Variants in TRAK2 observed in about 807,000 individuals in gnomAD.
TRAK2 encodes the protein trafficking kinesin-binding protein 2.
TRAK2 carries 81 observed loss-of-function variants against 104.6 expected under a neutral mutation model. The ratio of observed to expected loss-of-function variants is 0.77; its 90% CI spans 0.65 to 0.93. TRAK2 has a LOEUF of 0.93. Among genes scored for constraint, TRAK2 ranks in the 40% least tolerant of loss-of-function variants. TRAK2 has a pLI of 0.00. For synonymous variants in TRAK2, 406 were observed against 394.4 expected, an observed-to-expected ratio of 1.03 and a Z score of -0.35; for missense variants, 1,002 against 1,089.0, an observed-to-expected ratio of 0.92 and a Z score of 1.12.
At chr2:201,396,172 CAGAT>C (rs1269886894) in intron 7 of TRAK2, among the ~76,000 whole-genome samples, 10 of 152,230 alleles carry the variant, frequency 6.6e-5, no homozygotes, top group Middle Eastern at 6.8e-3. Context: ...TTAAAATTGA[CAGAT>C]AGCCTCTAAT....
intron 1 of TRAK2, among the ~76,000 whole-genome samples, chr2:201,431,795 A>C (rs1429856322): frequency 6.6e-6 from 1 of 152,186 alleles, no homozygotes; most frequent in East Asian, 1.9e-4. Flanking sequence ...TAGAGTGCCT[A>C]AATTTGAACT....
intron 3 of TRAK2, 27 bp from the exon 4 acceptor site, chr2:201,401,121 T>C (rs770589891): frequency 2.6e-6 from 4 of 1,510,194 alleles, no homozygotes; most frequent in Non-Finnish European, 3.6e-6. Context: ...CAACTATTTA[T>C]AGGCTTTAGC....
intron 5 of TRAK2, 52 bp downstream of exon 5, chr2:201,399,325 A>G (rs1951528780): frequency 3.1e-6 from 4 of 1,279,460 alleles, no homozygotes; most frequent in African/African-American, 2.9e-5. Context: ...TAAATTTTCA[A>G]TTGCATAAAA....
intron 1 of TRAK2, among the ~76,000 whole-genome samples, chr2:201,443,855 T>A (rs1200961456): frequency 6.6e-6 from 1 of 152,112 alleles, no homozygotes; most frequent in Non-Finnish European, 1.5e-5. Context: ...AGGGTTCTTC[T>A]CCATTCTCTA....
chr2:201,451,258 G>C (rs1325180354), intron 1 of TRAK2, 92 bp downstream of exon 1: 1 of 152,362 alleles, frequency 6.6e-6, no homozygotes, highest in Non-Finnish European at 1.5e-5. Flanking sequence ...GTGACCTCCG[G>C]GTACCGGAGG....
chr2:201,394,781 G>A lies in TRAK2; in HGVS notation c.975+17C>T, dbSNP rs763275296. 2.9e-5 allele frequency: 46 copies of A among 1,608,588 alleles called. No individual in the cohort carries two copies. The South Asian group carries it at 5.0e-4, about 17-fold the overall frequency. On this transcript the variant is annotated intron_variant, in intron 9 of 15. Transcript: ENST00000332624. Reference sequence around the variant, plus strand: ...CTCTTTCCCCTCCTGAATTACACAAGATAAAGATTTCATTACCTCCATTGT... The same window carrying A: ...CTCTTTCCCCTCCTGAATTACACAAAATAAAGATTTCATTACCTCCATTGT...
chr2:201,419,827 C>T (rs1353962223), intron 2 of TRAK2, among the ~76,000 whole-genome samples: 1 of 152,152 alleles, frequency 6.6e-6, no homozygotes, highest in Non-Finnish European at 1.5e-5. Context: ...TGTTATATAA[C>T]ATCCCCAACT....
rs1951514397 is a variant in TRAK2 at position 201,397,689 on chromosome 2, A to G, written c.691-109T>C. ...GACTAAATTTCATCACTTACAAAGG[A>G]AAAAACCCAACAACCTGTTCATACA... is the stretch of plus-strand genomic sequence containing the variant. On this transcript the variant is annotated intron_variant, in intron 6 of 15. Transcript: ENST00000332624. 3.8e-6 allele frequency: 3 copies of G among 789,856 alleles called. No homozygotes were observed. The East Asian group carries it at 7.7e-5, about 20-fold the overall frequency. The allele number at this position is 789,856 out of a possible 1,614,324, so 48.9% of individuals were successfully genotyped here.
At chr2:201,386,099 T>C (rs1951387182) in intron 14 of TRAK2, 119 bp downstream of exon 14, 3 of 1,063,080 alleles carry the variant, frequency 2.8e-6, no homozygotes, top group South Asian at 3.1e-5. Flanking sequence ...ATTTTCATTA[T>C]CTGATATGCA....
chr2:201,430,893 T>G (rs1951836590), intron 1 of TRAK2, among the ~76,000 whole-genome samples: 1 of 152,206 alleles, frequency 6.6e-6, no homozygotes, highest in African/African-American at 2.4e-5. Context: ...AAATCACCTG[T>G]CTTCTGCGTC....
At chr2:201,383,145 G>T (rs1323994080) in intron 15 of TRAK2, among the ~76,000 whole-genome samples, 3 of 152,128 alleles carry the variant, frequency 2.0e-5, no homozygotes, top group Non-Finnish European at 4.4e-5. Context: ...GCTTAATAAG[G>T]GACTATATAT....
intron 6 of TRAK2, 178 bp from the exon 7 acceptor site, chr2:201,397,758 CT>C (rs1334373797): frequency 1.8e-6 from 1 of 566,576 alleles, no homozygotes; most frequent in African/African-American, 1.9e-5. Context: ...ATGATCCTTG[CT>C]TAAGTAGGAC....
chr2:201,440,170 A>G (rs1440206777), intron 1 of TRAK2, among the ~76,000 whole-genome samples: 1 of 152,094 alleles, frequency 6.6e-6, no homozygotes, highest in Non-Finnish European at 1.5e-5. Context: ...ACCCATCCAT[A>G]GTTAAAGAGC....
rs755767416 is a variant in TRAK2 at position 201,420,397 on chromosome 2, A to G, written c.91+20T>C. ...CTCCTATAAGCGATAGCACTTCAAT[A>G]TTTATTAAACTGGACTTACCAGTGA... On this transcript the variant is annotated intron_variant, in intron 2 of 15. Transcript: ENST00000332624. The G allele has an allele frequency of 6.2e-7, 1 of 1,605,934 alleles. No individual in the cohort carries two copies. The highest frequency in any genetic ancestry group is 1.3e-5 in the African/African-American group (1 of 74,870).
intron 2 of TRAK2, chr2:201,412,555 C>A (rs1303994611): frequency 7.7e-7 from 1 of 1,294,642 alleles, no homozygotes; most frequent in East Asian, 2.3e-5. Flanking sequence ...CATAACAGTT[C>A]CTAAAGAATA....
At chr2:201,427,887 C>A (rs6435083) in intron 1 of TRAK2, among the ~76,000 whole-genome samples, 73 of 152,074 alleles carry the variant, frequency 4.8e-4, no homozygotes, top group Non-Finnish European at 8.8e-4. Flanking sequence ...AGATGGTATC[C>A]CATTGTGGTT....
chr2:201,430,718 A>G (rs936378258), intron 1 of TRAK2, among the ~76,000 whole-genome samples: 5 of 152,156 alleles, frequency 3.3e-5, no homozygotes, highest in African/African-American at 1.2e-4. Context: ...TTTTCCAGGT[A>G]CCGTCTGTCA....
chr2:201,402,563 A>AT (rs1157595001), intron 3 of TRAK2, among the ~76,000 whole-genome samples: 2 of 152,160 alleles, frequency 1.3e-5, no homozygotes, highest in Non-Finnish European at 2.9e-5. Context: ...ACTAACAATG[A>AT]TTTAACCACA....
At chr2:201,407,206 A>G (rs1470354923) in intron 3 of TRAK2, among the ~76,000 whole-genome samples, 197 bp downstream of exon 3, 2 of 152,240 alleles carry the variant, frequency 1.3e-5, no homozygotes, top group African/African-American at 2.4e-5. Context: ...AACACTAGAC[A>G]CTGAGAGTCA....
Sources: gnomAD v4.1 joint callset for allele counts (sites outside exome capture counted in the v4.1 genomes callset) on GRCh38, gnomAD v4.1.1 for gene constraint, MANE v1.5 for transcripts, NCBI Gene and HGNC (gene_info 2026-07-23, HGNC 2026-07-21) for gene names.